The following MCTP2 variants were observed in gnomAD, a reference collection of about 807,000 sequenced individuals.
The protein encoded by MCTP2 is multiple C2 and transmembrane domain containing 2.
In MCTP2, 132 loss-of-function variants were observed where a neutral mutation model predicts 111.6. The ratio of observed to expected loss-of-function variants is 1.18; its 90% CI spans 1.03 to 1.37. The LOEUF is 1.37. Among genes scored for constraint, MCTP2 ranks in the 40% most tolerant of loss-of-function variants. The pLI is 0.00. For synonymous variants in MCTP2, 395 were observed against 387.7 expected (o/e 1.02, Z -0.22); for missense variants, 1,183 against 1,067.9 (o/e 1.11, Z -1.50).
chr15:94,249,549 G>A (rs1436492475), intron 1 of MCTP2, among the ~76,000 whole-genome samples: 5 of 151,294 alleles, frequency 3.3e-5, no homozygotes, highest in South Asian at 4.2e-4. Context: ...GCAGTGGCGC[G>A]ATCTCAGCTC....
At chr15:94,314,548 C>T (rs1405233197) in intron 3 of MCTP2, among the ~76,000 whole-genome samples, 1 of 151,822 alleles carries the variant, frequency 6.6e-6, no homozygotes, top group Non-Finnish European at 1.5e-5. Flanking sequence ...GGGATAGATT[C>T]TTCTAAAAAT....
chr15:94,440,831 T>G (rs2083739580), intron 18 of MCTP2, among the ~76,000 whole-genome samples: 1 of 152,162 alleles, frequency 6.6e-6, no homozygotes, highest in Non-Finnish European at 1.5e-5. Context: ...GTCTGGAAAT[T>G]CCCAAACTTC....
intron 17 of MCTP2, among the ~76,000 whole-genome samples, chr15:94,433,198 A>C (rs1165090708): frequency 6.6e-6 from 1 of 152,218 alleles, no homozygotes. Context: ...TTTCCTCAGG[A>C]AAAAATTAAT....
intron 12 of MCTP2, among the ~76,000 whole-genome samples, chr15:94,373,021 G>C: frequency 6.6e-6 from 1 of 152,160 alleles, no homozygotes. Flanking sequence ...GATTAGTCTT[G>C]GCAGTAGTCC....
chr15:94,422,086 T>C (rs1267707984), intron 17 of MCTP2, among the ~76,000 whole-genome samples: 1 of 152,094 alleles, frequency 6.6e-6, no homozygotes, highest in Non-Finnish European at 1.5e-5. Flanking sequence ...TATGTAGAAG[T>C]CACATGTTGT....
At chr15:94,453,173 A>G (rs2084575697) in intron 19 of MCTP2, among the ~76,000 whole-genome samples, 1 of 152,214 alleles carries the variant, frequency 6.6e-6, no homozygotes, top group Non-Finnish European at 1.5e-5. Context: ...TTTCAATTTA[A>G]GCTTTCAGCT....
intron 1 of MCTP2, among the ~76,000 whole-genome samples, chr15:94,244,392 A>G (rs1332654879): frequency 6.7e-6 from 1 of 149,806 alleles, no homozygotes; most frequent in Non-Finnish European, 1.5e-5. Flanking sequence ...ACACATAAAT[A>G]TGTATATTTA....
chr15:94,334,830 G>A (rs1314453089), intron 4 of MCTP2, among the ~76,000 whole-genome samples: 3 of 152,110 alleles, frequency 2.0e-5, no homozygotes, highest in Non-Finnish European at 4.4e-5. Context: ...TTACAGGCGT[G>A]AGCCACTGTA....
intron 4 of MCTP2, among the ~76,000 whole-genome samples, chr15:94,328,511 A>G (rs2076991724): frequency 6.6e-6 from 1 of 152,044 alleles, no homozygotes; most frequent in Non-Finnish European, 1.5e-5. Context: ...TTGTCTGTAA[A>G]GTTGGTAAGA....
intron 12 of MCTP2, among the ~76,000 whole-genome samples, chr15:94,378,047 A>C (rs554207323): frequency 6.6e-6 from 1 of 152,208 alleles, no homozygotes; most frequent in Non-Finnish European, 1.5e-5. Flanking sequence ...AGGTGAAGAA[A>C]TTTGGAAAAC....
chr15:94,376,234 A>T (rs1438103559), intron 12 of MCTP2, among the ~76,000 whole-genome samples: 1 of 152,222 alleles, frequency 6.6e-6, no homozygotes, highest in Non-Finnish European at 1.5e-5. Flanking sequence ...CCGTAACTGC[A>T]GTAAAATATT....
chr15:94,381,997 C>G (rs115530259), intron 12 of MCTP2, among the ~76,000 whole-genome samples: 130 of 152,336 alleles, frequency 8.5e-4, no homozygotes, highest in African/African-American at 3.0e-3. Context: ...AAGAAGAGGT[C>G]AGAGCCCACT....
intron 17 of MCTP2, among the ~76,000 whole-genome samples, chr15:94,408,120 A>G (rs2081990006): frequency 6.6e-6 from 1 of 152,230 alleles, no homozygotes; most frequent in South Asian, 2.1e-4. Flanking sequence ...GTTTACTCAC[A>G]ACGAAATGCA....
At chr15:94,347,094 G>T (rs1322850241) in intron 8 of MCTP2, among the ~76,000 whole-genome samples, 1 of 152,056 alleles carries the variant, frequency 6.6e-6, no homozygotes, top group African/African-American at 2.4e-5. Flanking sequence ...ATATTTTGCT[G>T]GGAAATTTCA....
intron 1 of MCTP2, among the ~76,000 whole-genome samples, chr15:94,233,712 A>G (rs1031947410): frequency 6.6e-6 from 1 of 152,192 alleles, no homozygotes; most frequent in African/African-American, 2.4e-5. Flanking sequence ...TGACTTTTGC[A>G]TAAAGGATTT....
chr15:94,467,921 T>C (rs2152537858), intron 20 of MCTP2, among the ~76,000 whole-genome samples: 1 of 152,236 alleles, frequency 6.6e-6, no homozygotes, highest in African/African-American at 2.4e-5. Context: ...AAAGATAGCA[T>C]AATAAAGAAG....
intron 1 of MCTP2, among the ~76,000 whole-genome samples, chr15:94,260,040 G>A (rs76208234): frequency 0.051 from 7,799 of 152,096 alleles, 241 homozygotes; most frequent in Non-Finnish European, 0.057. Context: ...TTCCCCTTTG[G>A]CTGTTCACCA....
intron 1 of MCTP2, among the ~76,000 whole-genome samples, chr15:94,270,269 T>C (rs1043983328): frequency 1.3e-5 from 2 of 152,196 alleles, no homozygotes; most frequent in African/African-American, 2.4e-5. Flanking sequence ...GGCTTCAATT[T>C]CGGGCACTGT....
At chr15:94,257,566 G>GTTGT in intron 1 of MCTP2, among the ~76,000 whole-genome samples, 1 of 73,006 alleles carries the variant, frequency 1.4e-5, no homozygotes, top group Non-Finnish European at 2.7e-5. Context: ...CATTTTCTTT[G>GTTGT]TTGTTTTTTT....
Sources: gnomAD v4.1 joint callset for allele counts (sites outside exome capture counted in the v4.1 genomes callset) on GRCh38, gnomAD v4.1.1 for gene constraint, MANE v1.5 for transcripts, NCBI Gene and HGNC (gene_info 2026-07-23, HGNC 2026-07-21) for gene names.